Variants in CCDC171 observed in about 807,000 individuals in gnomAD.
CCDC171 encodes the protein coiled-coil domain-containing protein 171.
Under a neutral mutation model 168.2 loss-of-function variants are expected in CCDC171, and 177 were observed. The ratio of observed to expected loss-of-function variants is 1.05; its 90% CI spans 0.93 to 1.19. The LOEUF is 1.19. Ranked by LOEUF, CCDC171 falls within the 50% of genes most tolerant of loss-of-function variation. The pLI is 0.00. For synonymous variants in CCDC171, 687 were observed against 540.8 expected (o/e 1.27, Z -3.75); for missense variants, 1,991 against 1,539.0 (o/e 1.29, Z -4.91).
Position 15,721,813 on chromosome 9 carries a change from C to T in CCDC171, c.1363C>T (p.Leu455Phe), listed in dbSNP as rs767131525. Residue 455 changes from leucine to phenylalanine, a missense_variant, in exon 12 of 26, where the codon CTT becomes TTT. Coordinates refer to ENST00000380701, the MANE Select transcript of CCDC171 (RefSeq NM_173550.4). ...TAAACCTCCCAGCTTCTCTGTTGTC[C>T]TTGAGAGATTGAGGCGTACCTTGAC... ...KDKPPSFSVV[L>F]ERLRRTLTDY... is the part of the protein sequence containing the mutation. 1 of 1,569,138 alleles carries T rather than the reference C, an allele frequency of 6.4e-7. No homozygotes were observed. The highest frequency in any genetic ancestry group is 8.6e-7 in the Non-Finnish European group (1 of 1,156,954).
intron 19 of CCDC171, 53 bp from the exon 20 acceptor site, chr9:15,778,915 T>G: frequency 8.1e-7 from 1 of 1,231,846 alleles, no homozygotes. Context: ...GTTATTGCTA[T>G]TGTTAGTAAA....
chr9:16,083,466 G>A, the CCDC171 span, among the ~76,000 whole-genome samples: 1 of 152,258 alleles, frequency 6.6e-6, no homozygotes, highest in South Asian at 2.1e-4. Context: ...TCTTGAAATT[G>A]TCAAGAATTG....
rs546941505 is a variant in CCDC171, at chr9:15,678,887, A to G, written c.1206A>G (p.Glu402=). Reference sequence around the variant, plus strand: ...AAAGTTGCAGTGAATTACAGGAAGAACTAGTAATGGTAAGGATAAAAAAGA... The same window carrying G: ...AAAGTTGCAGTGAATTACAGGAAGAGCTAGTAATGGTAAGGATAAAAAAGA... ...NEKSCSELQE[E]LVMAKKHQAF... The change falls in exon 10 of 26, where the codon GAA becomes GAG. Residue 402 remains glutamate, a synonymous_variant. Transcript: ENST00000380701. The G allele has an allele frequency of 3.2e-6, 5 of 1,583,494 alleles. No individual in the cohort carries two copies. The highest frequency in any genetic ancestry group is 1.9e-5 in the Admixed American group (1 of 52,562).
the CCDC171 span, among the ~76,000 whole-genome samples, chr9:16,088,796 T>C: frequency 1.3e-5 from 2 of 152,170 alleles, no homozygotes; most frequent in East Asian, 3.8e-4. Context: ...CAAAGTAATT[T>C]ATAGATTCAT....
rs2048006183 is a variant in CCDC171, at chr9:15,657,231, A to G, written c.915+12A>G. 1.9e-6 allele frequency: 3 copies of G among 1,551,728 alleles called. No individual in the cohort carries two copies. The highest frequency in any genetic ancestry group is 3.4e-4 in the Middle Eastern group (2 of 5,874). On this transcript the variant is annotated intron_variant, in intron 8 of 25. Transcript: ENST00000380701. ...CTGAAATTATTCAGGTAAAATGTAA[A>G]CAAATATTTTGGCCTGCATTTTCTT...
chr9:15,719,236 A>G (rs1201794020), intron 11 of CCDC171, among the ~76,000 whole-genome samples: 2 of 152,088 alleles, frequency 1.3e-5, no homozygotes, highest in East Asian at 3.8e-4. Flanking sequence ...ATTAAGCAAA[A>G]GAAAGAATTA....
the CCDC171 span, among the ~76,000 whole-genome samples, chr9:16,083,185 G>A: frequency 6.6e-6 from 1 of 152,162 alleles, no homozygotes; most frequent in Non-Finnish European, 1.5e-5. Flanking sequence ...GTCCTATGTT[G>A]AGAATGTTCC....
chr9:15,838,563 C>T (rs2060546389), intron 21 of CCDC171, among the ~76,000 whole-genome samples: 1 of 152,092 alleles, frequency 6.6e-6, no homozygotes, highest in Non-Finnish European at 1.5e-5. Flanking sequence ...TCATAGAAAA[C>T]ATTAAAGCAA....
chr9:15,808,374 T>G (rs553241424), intron 21 of CCDC171, among the ~76,000 whole-genome samples: 28 of 152,296 alleles, frequency 1.8e-4, no homozygotes, highest in African/African-American at 5.8e-4. Context: ...TGCATTGTTT[T>G]TCAAGGATTG....
At chr9:15,846,074 A>G (rs1004274783) in intron 21 of CCDC171, among the ~76,000 whole-genome samples, 2 of 152,146 alleles carry the variant, frequency 1.3e-5, no homozygotes, top group East Asian at 1.9e-4. Context: ...TAACTTTATT[A>G]GTTAAAACAT....
intron 21 of CCDC171, among the ~76,000 whole-genome samples, chr9:15,793,798 C>T (rs1052028427): frequency 1.1e-4 from 16 of 151,872 alleles, no homozygotes; most frequent in African/African-American, 2.4e-4. Context: ...CTGCCTGCCT[C>T]GGCCTCCCAA....
At chr9:15,782,393 T>C (rs1283063183) in intron 20 of CCDC171, among the ~76,000 whole-genome samples, 1 of 152,210 alleles carries the variant, frequency 6.6e-6, no homozygotes, top group South Asian at 2.1e-4. Context: ...CTTGCTTGAT[T>C]TTATTTACTT....
intron 7 of CCDC171, among the ~76,000 whole-genome samples, chr9:15,628,157 G>T (rs1292700449): frequency 6.6e-6 from 1 of 152,154 alleles, no homozygotes; most frequent in Non-Finnish European, 1.5e-5. Context: ...ATCTCACTAG[G>T]GAGTGCCAGA....
chr9:15,746,202 T>G (rs2055265935), intron 18 of CCDC171, among the ~76,000 whole-genome samples: 1 of 152,226 alleles, frequency 6.6e-6, no homozygotes, highest in Non-Finnish European at 1.5e-5. Context: ...ACAGGTTCAA[T>G]GAAAACTAAT....
the CCDC171 span, among the ~76,000 whole-genome samples, chr9:16,086,898 T>G: frequency 6.6e-6 from 1 of 152,222 alleles, no homozygotes; most frequent in African/African-American, 2.4e-5. Flanking sequence ...AAACACTGCT[T>G]TAGCTGTGTC....
chr9:15,959,070 G>C (rs1312690444), intron 25 of CCDC171, among the ~76,000 whole-genome samples: 1 of 152,154 alleles, frequency 6.6e-6, no homozygotes, highest in Admixed American at 6.6e-5. Flanking sequence ...TTGGAAGACC[G>C]AAGGTGCCTG....
intron 11 of CCDC171, among the ~76,000 whole-genome samples, chr9:15,709,499 C>T (rs1342752046): frequency 2.6e-5 from 4 of 152,006 alleles, no homozygotes; most frequent in Non-Finnish European, 4.4e-5. Context: ...AAAGATTGTA[C>T]GTCTTTCTAA....
intron 2 of CCDC171, among the ~76,000 whole-genome samples, chr9:15,568,246 C>T (rs1467441964): frequency 6.6e-6 from 1 of 151,222 alleles, no homozygotes; most frequent in African/African-American, 2.4e-5. Context: ...CATGATTGCA[C>T]CATCTACATC....
intron 25 of CCDC171, among the ~76,000 whole-genome samples, chr9:15,924,056 C>T (rs1276899485): frequency 2.6e-5 from 4 of 151,240 alleles, no homozygotes; most frequent in African/African-American, 7.3e-5. Context: ...TCTATACACA[C>T]CTTAAAAGGC....
Sources: allele counts gnomAD v4.1 joint callset (sites outside exome capture counted in the v4.1 genomes callset), GRCh38; gene constraint gnomAD v4.1.1; transcripts MANE v1.5; gene names NCBI Gene and HGNC (gene_info 2026-07-23, HGNC 2026-07-21).